The following ARHGAP28 variants were observed in gnomAD, a reference collection of about 807,000 sequenced individuals.
The protein encoded by ARHGAP28 is Rho GTPase activating protein 28.
A neutral mutation model predicts 90.7 loss-of-function variants in ARHGAP28; 56 were observed. The observed-to-expected ratio is 0.62, with a 90% CI of 0.50 to 0.77. ARHGAP28 has a LOEUF of 0.77. ARHGAP28 is among the 30% of genes least tolerant of loss of function. ARHGAP28 has a pLI of 0.00. For missense variants in ARHGAP28, 869 were observed against 900.9 expected (o/e 0.96, Z 0.45); for synonymous variants, 308 against 323.3 (o/e 0.95, Z 0.51).
At chr18:6,875,274 G>A (rs1031621781) in intron 9 of ARHGAP28, among the ~76,000 whole-genome samples, 4 of 152,226 alleles carry the variant, frequency 2.6e-5, no homozygotes, top group African/African-American at 9.6e-5. Context: ...GACACCTCAA[G>A]ATAGTACTCT....
In ARHGAP28 at chr18:6,787,432, G is replaced by A. The variant is rs926959087; in HGVS notation, c.123-37330G>A. On this transcript the variant is annotated intron_variant, in intron 1 of 17. Coordinates refer to ENST00000383472, the MANE Select transcript of ARHGAP28 (RefSeq NM_001366230.1). Reference sequence around the variant, plus strand: ...GATCATCAATGAGAATGGTTATTAAGATACTTATTTTTTTCCAGGGATGTA... The same window carrying A: ...GATCATCAATGAGAATGGTTATTAAAATACTTATTTTTTTCCAGGGATGTA... Among the ~76,000 whole-genome samples, 49 of 152,044 alleles carry A rather than the reference G, an allele frequency of 3.2e-4. 1 individual carries two copies. The highest frequency in any genetic ancestry group is 3.0e-3 in the Admixed American group (46 of 15,264).
intron 16 of ARHGAP28, among the ~76,000 whole-genome samples, chr18:6,903,826 CAA>C (rs35606759): frequency 1.7e-4 from 14 of 84,052 alleles, no homozygotes; most frequent in African/African-American, 6.5e-4. Flanking sequence ...GACTCCATCT[CAA>C]AAAAAAAAAA....
At chr18:6,779,959 C>T (rs948121744) in intron 1 of ARHGAP28, among the ~76,000 whole-genome samples, 1 of 152,184 alleles carries the variant, frequency 6.6e-6, no homozygotes, top group African/African-American at 2.4e-5. Flanking sequence ...TGAACTAGAA[C>T]AGTTAAGGGA....
Position 6,866,517 on chromosome 18 carries a change from A to T in ARHGAP28, c.727-1633A>T, listed in dbSNP as rs577750974. Among the ~76,000 whole-genome samples, 36 of 152,312 alleles carry T rather than the reference A, an allele frequency of 2.4e-4. No homozygotes were observed. The South Asian group carries it at 5.8e-3, about 25-fold the overall frequency. On this transcript the variant is annotated intron_variant, in intron 5 of 17. Coordinates refer to ENST00000383472, the MANE Select transcript of ARHGAP28 (RefSeq NM_001366230.1). ...TCAAGTCCAACCACCTCATCAGTGG[A>T]AACCTTCTGGGCAGCACCTCTTCCC... is the stretch of plus-strand genomic sequence containing the variant.
chr18:6,757,212 A>G (rs2056118398), intron 1 of ARHGAP28, among the ~76,000 whole-genome samples: 1 of 152,250 alleles, frequency 6.6e-6, no homozygotes, highest in Non-Finnish European at 1.5e-5. Flanking sequence ...TTTTGGAAAC[A>G]TGGAAACTGG....
chr18:6,877,661 T>G (rs1267327408), intron 10 of ARHGAP28, among the ~76,000 whole-genome samples: 1 of 152,138 alleles, frequency 6.6e-6, no homozygotes, highest in Non-Finnish European at 1.5e-5. Context: ...CAAGTTCTTG[T>G]GGAAGGCAGG....
intron 3 of ARHGAP28, among the ~76,000 whole-genome samples, chr18:6,839,365 C>T (rs1383848488): frequency 1.3e-5 from 2 of 149,954 alleles, no homozygotes; most frequent in Non-Finnish European, 1.5e-5. Flanking sequence ...GCAATCTCGG[C>T]TCACTGCAAG....
chr18:6,828,362 C>T (rs1219325469), intron 2 of ARHGAP28, among the ~76,000 whole-genome samples: 3 of 151,352 alleles, frequency 2.0e-5, no homozygotes, highest in Admixed American at 6.6e-5. Context: ...AGAGGGAGAC[C>T]GTGGGGAGAG....
At chr18:6,830,327 C>CT (rs1338542598) in intron 2 of ARHGAP28, among the ~76,000 whole-genome samples, 9 of 151,768 alleles carry the variant, frequency 5.9e-5, no homozygotes, top group African/African-American at 9.7e-5. Flanking sequence ...GAATGCTATT[C>CT]TTTTTTTATT....
intron 1 of ARHGAP28, among the ~76,000 whole-genome samples, chr18:6,787,785 AC>A (rs1329904437): frequency 6.6e-6 from 1 of 152,220 alleles, no homozygotes; most frequent in African/African-American, 2.4e-5. Context: ...ACTCTCAAAG[AC>A]AACTGTATTT....
intron 10 of ARHGAP28, among the ~76,000 whole-genome samples, chr18:6,878,613 A>G (rs1567980035): frequency 6.6e-6 from 1 of 152,226 alleles, no homozygotes; most frequent in Non-Finnish European, 1.5e-5. Context: ...TCGTTCCTTC[A>G]GAAAGTTATT....
At chr18:6,749,642 A>C (rs1422432314) in intron 1 of ARHGAP28, among the ~76,000 whole-genome samples, 1 of 152,094 alleles carries the variant, frequency 6.6e-6, no homozygotes, top group Non-Finnish European at 1.5e-5. Context: ...GCATCACTCT[A>C]TCCACAGAGC....
At chr18:6,871,123 G>C (rs955586316) in intron 7 of ARHGAP28, among the ~76,000 whole-genome samples, 2 of 152,156 alleles carry the variant, frequency 1.3e-5, no homozygotes, top group African/African-American at 4.8e-5. Flanking sequence ...TTAAATATCT[G>C]TGTGTGTGCA....
At chr18:6,779,912 A>T (rs573283130) in intron 1 of ARHGAP28, among the ~76,000 whole-genome samples, 6 of 152,354 alleles carry the variant, frequency 3.9e-5, no homozygotes, top group African/African-American at 1.2e-4. Context: ...CTAACTTTGA[A>T]CCTGAGAGTC....
At chr18:6,896,690 T>G in intron 16 of ARHGAP28, 64 bp downstream of exon 16, 4 of 1,578,440 alleles carry the variant, frequency 2.5e-6, no homozygotes, top group Non-Finnish European at 3.4e-6. Flanking sequence ...TGAATAACTT[T>G]CTAGGCATTT....
chr18:6,870,544 A>T (rs1567976625), intron 6 of ARHGAP28, 46 bp from the exon 7 acceptor site: 2 of 1,521,688 alleles, frequency 1.3e-6, no homozygotes, highest in Non-Finnish European at 1.8e-6. Flanking sequence ...GTATTGATTG[A>T]TTAAATAGCA....
chr18:6,890,189 G>A (rs1420741096), intron 13 of ARHGAP28, 104 bp downstream of exon 13: 18 of 1,325,962 alleles, frequency 1.4e-5, no homozygotes, highest in Non-Finnish European at 1.8e-5. Flanking sequence ...GAAGAAATAT[G>A]AGAAGATAAC....
At chr18:6,787,439 AT>A (rs1037211701) in intron 1 of ARHGAP28, among the ~76,000 whole-genome samples, 3 of 151,950 alleles carry the variant, frequency 2.0e-5, no homozygotes, top group African/African-American at 7.3e-5. Context: ...TAAGATACTT[AT>A]TTTTTTCCAG....
chr18:6,798,193 G>T (rs1045163971), intron 1 of ARHGAP28, among the ~76,000 whole-genome samples: 1 of 151,972 alleles, frequency 6.6e-6, no homozygotes, highest in Non-Finnish European at 1.5e-5. Context: ...TAAATTATTG[G>T]GGTTGTGTGT....
Sources: allele counts gnomAD v4.1 joint callset (sites outside exome capture counted in the v4.1 genomes callset), GRCh38; gene constraint gnomAD v4.1.1; transcripts MANE v1.5; gene names NCBI Gene and HGNC (gene_info 2026-07-23, HGNC 2026-07-21).